Variants in OGFOD3 observed in about 807,000 individuals in gnomAD.
OGFOD3 encodes 2-oxoglutarate and iron-dependent oxygenase domain-containing protein 3.
A neutral mutation model predicts 39.8 loss-of-function variants in OGFOD3; 35 were observed. The ratio of observed to expected loss-of-function variants is 0.88; its 90% CI spans 0.67 to 1.17. OGFOD3 has a LOEUF of 1.17. Among genes scored for constraint, OGFOD3 ranks in the 50% most tolerant of loss-of-function variants. The pLI is 0.00. For synonymous variants in OGFOD3, 200 were observed against 192.0 expected (o/e 1.04, Z -0.34); for missense variants, 438 against 454.5 (o/e 0.96, Z 0.33).
intron 4 of OGFOD3, among the ~76,000 whole-genome samples, chr17:82,407,490 G>A (rs925181295): frequency 2.6e-5 from 4 of 152,192 alleles, no homozygotes; most frequent in Non-Finnish European, 5.9e-5. Context: ...TGCGCGCCAC[G>A]CCAAGCCTGA....
At chr17:82,403,394 G>A (rs1377842140) in intron 7 of OGFOD3, among the ~76,000 whole-genome samples, 1 of 152,166 alleles carries the variant, frequency 6.6e-6, no homozygotes, top group East Asian at 1.9e-4. Flanking sequence ...CACTTTGGGG[G>A]GCCAAGGAAG....
chr17:82,396,913 G>A (rs2052681296), intron 8 of OGFOD3: 1 of 152,302 alleles, frequency 6.6e-6, no homozygotes, highest in Non-Finnish European at 1.5e-5. Context: ...ATCCACGCCA[G>A]GGGAGACTGT....
intron 7 of OGFOD3, 116 bp downstream of exon 7, chr17:82,403,821 G>C: frequency 2.2e-6 from 3 of 1,384,828 alleles, no homozygotes; most frequent in Non-Finnish European, 2.9e-6. Flanking sequence ...CCTGCCCACG[G>C]GCACGCTCAC....
chr17:82,398,377 G>A, intron 7 of OGFOD3, 58 bp from the exon 8 acceptor site: 1 of 1,597,926 alleles, frequency 6.3e-7, no homozygotes, highest in Non-Finnish European at 8.5e-7. Context: ...GACCAGGGCA[G>A]GTGCTGCTTC....
rs145765136 is a variant in OGFOD3, at chr17:82,394,444, G to A, written c.824-1910C>T. On this transcript the variant is annotated intron_variant, in intron 8 of 8. Transcript: ENST00000313056. Reference sequence around the variant, plus strand: ...CCTCTCGGGCGGGTGGTGAGTCCCCGGAGGACACCTGACTCCAGCCTTCGC... The same window carrying A: ...CCTCTCGGGCGGGTGGTGAGTCCCCAGAGGACACCTGACTCCAGCCTTCGC... 72 of 1,613,674 alleles carry A rather than the reference G, an allele frequency of 4.5e-5. No individual in the cohort carries two copies. Among genetic ancestry groups the A allele is most frequent in the Middle Eastern group, 1.6e-4 (1 of 6,082 alleles).
Position 82,391,463 on chromosome 17 carries a change from C to T in OGFOD3, c.*935G>A, listed in dbSNP as rs2042183151. On this transcript the variant is annotated 3_prime_UTR_variant, in exon 9 of 9. Coordinates refer to ENST00000313056, the MANE Select transcript of OGFOD3 (RefSeq NM_024648.3). The surrounding 1 kb of genome is among the most constrained non-coding windows in gnomAD (Gnocchi z 5.1). ...GTTCAAGCGATTCTCCTGCCTCAGC[C>T]TCCCCAGTAGCTGGGATTAATTTGT... 1 of 152,470 alleles carries T rather than the reference C, an allele frequency of 6.6e-6. No homozygotes were observed. Among genetic ancestry groups the T allele is most frequent in the Admixed American group, 6.5e-5 (1 of 15,288 alleles). The allele number at this position is 152,470 out of a possible 1,614,324, so 9.4% of individuals were successfully genotyped here.
At chr17:82,416,337 C>G (rs1475188629) in intron 1 of OGFOD3, among the ~76,000 whole-genome samples, 2 of 152,200 alleles carry the variant, frequency 1.3e-5, no homozygotes, top group Non-Finnish European at 2.9e-5. Flanking sequence ...CAAAATGGGA[C>G]AGGATGGGGT....
chr17:82,401,072 G>A (rs1309327800), intron 7 of OGFOD3: 1 of 152,146 alleles, frequency 6.6e-6, no homozygotes, highest in Non-Finnish European at 1.5e-5. Flanking sequence ...TGCAGCCCGA[G>A]AGGGAGAGAG....
chr17:82,415,746 C>T lies in OGFOD3; in HGVS notation c.75-119G>A, dbSNP rs2053023009. On this transcript the variant is annotated intron_variant, in intron 1 of 8. Coordinates refer to ENST00000313056, the MANE Select transcript of OGFOD3 (RefSeq NM_024648.3). This position sits in a 1 kb window ranked among gnomAD's most constrained non-coding sequence, Gnocchi z 5.3. ...CTTCACTCACACGTCACCCCTGAAACGAGGGCTTCCTGCCTGGGGCCAGCG... is the reference window on the plus strand; with the variant it reads ...CTTCACTCACACGTCACCCCTGAAATGAGGGCTTCCTGCCTGGGGCCAGCG... The T allele has an allele frequency of 5.9e-6, 5 of 852,210 alleles. No individual in the cohort carries two copies. In the Admixed American group the frequency reaches 1.1e-4, roughly 19 times the overall value. The allele number at this position is 852,210 out of a possible 1,614,324, so 52.8% of individuals were successfully genotyped here.
At chr17:82,396,643 T>C (rs1053148180) in intron 8 of OGFOD3, 3 of 152,218 alleles carry the variant, frequency 2.0e-5, no homozygotes, top group Non-Finnish European at 4.4e-5. Flanking sequence ...GATCAAAATA[T>C]GCTAAAAAGT....
intron 8 of OGFOD3, chr17:82,393,343 C>T (rs1473712391): frequency 2.6e-5 from 4 of 152,274 alleles, no homozygotes; most frequent in Admixed American, 2.6e-4. Flanking sequence ...CAATTCCTTC[C>T]TTTCACATTT....
chr17:82,409,277 A>G (rs765985805), intron 4 of OGFOD3, 91 bp downstream of exon 4: 74 of 1,344,996 alleles, frequency 5.5e-5, no homozygotes, highest in Non-Finnish European at 7.8e-5. Flanking sequence ...GCACGCAGGG[A>G]ACCCTGCATG....
chr17:82,407,304 TTCCCTG>T (rs1567872036), intron 4 of OGFOD3, among the ~76,000 whole-genome samples: 1 of 152,110 alleles, frequency 6.6e-6, no homozygotes, highest in Non-Finnish European at 1.5e-5. Flanking sequence ...AACACTTTTG[TTCCCTG>T]TGACCTAAAG....
rs565018785 is a variant in OGFOD3, at chr17:82,404,582, A to G, written c.546-492T>C. 6.6e-6 allele frequency among the ~76,000 whole-genome samples: 1 copy of G among 152,034 alleles called. No homozygotes were observed. Among genetic ancestry groups the G allele is most frequent in the African/African-American group, 2.4e-5 (1 of 41,478 alleles). Reference sequence around the variant, plus strand: ...TCTCGCTCAGAAGACCCCATGTGCCAGGCCAGAGCGGCTCTGAAATGGATG... The same window carrying G: ...TCTCGCTCAGAAGACCCCATGTGCCGGGCCAGAGCGGCTCTGAAATGGATG... On this transcript the variant is annotated intron_variant, in intron 6 of 8. Coordinates refer to ENST00000313056, the MANE Select transcript of OGFOD3 (RefSeq NM_024648.3). This position sits in a 1 kb window ranked among gnomAD's most constrained non-coding sequence, Gnocchi z 4.5.
intron 7 of OGFOD3, among the ~76,000 whole-genome samples, chr17:82,400,014 G>A (rs2052736778): frequency 6.6e-6 from 1 of 152,214 alleles, no homozygotes; most frequent in Admixed American, 6.5e-5. Context: ...GCAGTGGAGA[G>A]AGCCCAGGCT....
intron 8 of OGFOD3, 61 bp downstream of exon 8, chr17:82,398,135 A>C: frequency 1.2e-6 from 2 of 1,604,466 alleles, no homozygotes; most frequent in Non-Finnish European, 8.5e-7. Flanking sequence ...CACGCCCCCC[A>C]CACCCACCGT....
chr17:82,413,367 A>G (rs899943400), intron 2 of OGFOD3, among the ~76,000 whole-genome samples: 2 of 152,300 alleles, frequency 1.3e-5, no homozygotes, highest in African/African-American at 4.8e-5. Context: ...ACCAAAGCAC[A>G]GACGCTGCTG....
chr17:82,417,572 T>C (rs2053083142), intron 1 of OGFOD3, among the ~76,000 whole-genome samples: 2 of 149,916 alleles, frequency 1.3e-5, no homozygotes, highest in Non-Finnish European at 2.9e-5. Flanking sequence ...TGAGCCGAGA[T>C]TGCGCCACTG....
At chr17:82,397,493 T>C (rs900960979) in intron 8 of OGFOD3, among the ~76,000 whole-genome samples, 2 of 150,902 alleles carry the variant, frequency 1.3e-5, no homozygotes, top group Non-Finnish European at 3.0e-5. Flanking sequence ...CCCAAGCCTA[T>C]GCGAGTTTCG....
Sources: allele counts gnomAD v4.1 joint callset (sites outside exome capture counted in the v4.1 genomes callset), GRCh38; gene constraint gnomAD v4.1.1; non-coding constraint Gnocchi (gnomAD v3.1); transcripts MANE v1.5; gene names NCBI Gene and HGNC (gene_info 2026-07-23, HGNC 2026-07-21).